PLCXD2: variants seen among roughly 807,000 people sequenced by gnomAD.
PLCXD2 encodes PI-PLC X domain-containing protein 2.
A neutral mutation model predicts 28.6 loss-of-function variants in PLCXD2; 21 were observed. The ratio of observed to expected loss-of-function variants is 0.73; its 90% CI spans 0.52 to 1.06. The LOEUF (loss-of-function observed/expected upper bound fraction) is 1.06. PLCXD2 is among the 50% of genes least tolerant of loss of function. The probability of loss-of-function intolerance (pLI) is 0.00; values close to 1 mark genes in which losing one functional copy is unlikely to be tolerated. For missense variants in PLCXD2, 369 were observed against 376.7 expected, an observed-to-expected ratio of 0.98 and a Z score of 0.17; for synonymous variants, 140 against 150.1, an observed-to-expected ratio of 0.93 and a Z score of 0.49.
chr3:111,675,087 G>A lies in PLCXD2; in HGVS notation c.-159G>A. On this transcript the variant is annotated 5_prime_UTR_variant, in exon 1 of 5. Transcript: ENST00000477665. Reference sequence around the variant, plus strand: ...AGAGTGGGGACTGTGAGTGCTAGTGGGTAAGGATCCATCTGTTTGCCCCGT... The same window carrying A: ...AGAGTGGGGACTGTGAGTGCTAGTGAGTAAGGATCCATCTGTTTGCCCCGT... 1 of 750,408 alleles carries A rather than the reference G, an allele frequency of 1.3e-6. No individual in the cohort carries two copies. The highest frequency in any genetic ancestry group is 1.8e-5 in the South Asian group (1 of 55,584). The allele number at this position is 750,408 out of a possible 1,614,324, so 46.5% of individuals were successfully genotyped here.
At chr3:111,723,735 C>T (rs890647762) in intron 3 of PLCXD2, 1 of 152,212 alleles carries the variant, frequency 6.6e-6, no homozygotes, top group Non-Finnish European at 1.5e-5. Flanking sequence ...AGAACTCAGG[C>T]ATGTGGGACA....
chr3:111,713,832 T>C (rs1941232180), intron 2 of PLCXD2, 55 bp from the exon 3 acceptor site: 1 of 1,576,378 alleles, frequency 6.3e-7, no homozygotes, highest in African/African-American at 1.4e-5. Flanking sequence ...AACGGAGGAG[T>C]TAACATTCAG....
chr3:111,680,805 C>A (rs1375071650), intron 1 of PLCXD2, among the ~76,000 whole-genome samples: 1 of 152,204 alleles, frequency 6.6e-6, no homozygotes, highest in Non-Finnish European at 1.5e-5. Flanking sequence ...AATTACTTAA[C>A]CTCTCTGTGC....
At chr3:111,714,362 A>G (rs1463304271) in intron 3 of PLCXD2, among the ~76,000 whole-genome samples, 1 of 152,172 alleles carries the variant, frequency 6.6e-6, no homozygotes, top group Non-Finnish European at 1.5e-5. Flanking sequence ...GTACTCTCTA[A>G]ATTTTGCTAT....
chr3:111,710,928 T>C (rs1941191539), intron 2 of PLCXD2, among the ~76,000 whole-genome samples: 1 of 152,236 alleles, frequency 6.6e-6, no homozygotes, highest in Admixed American at 6.5e-5. Flanking sequence ...AGTAGAGTGA[T>C]GATCTATCAT....
intron 1 of PLCXD2, among the ~76,000 whole-genome samples, chr3:111,696,388 G>A (rs1205294469): frequency 6.6e-6 from 1 of 152,108 alleles, no homozygotes; most frequent in East Asian, 1.9e-4. Context: ...TGCTGTTGCT[G>A]GGCAGGGAAG....
intron 3 of PLCXD2, chr3:111,721,512 A>G (rs1404983130): frequency 6.6e-6 from 1 of 152,190 alleles, no homozygotes; most frequent in Non-Finnish European, 1.5e-5. Context: ...TCTTCAGATA[A>G]ACAGTGCATA....
intron 2 of PLCXD2, among the ~76,000 whole-genome samples, chr3:111,709,586 T>C (rs530374410): frequency 6.6e-6 from 1 of 152,162 alleles, no homozygotes; most frequent in East Asian, 1.9e-4. Flanking sequence ...GGAGGATTGG[T>C]TGAAATGTTT....
chr3:111,715,095 G>A (rs1941251107), intron 3 of PLCXD2, among the ~76,000 whole-genome samples: 1 of 152,048 alleles, frequency 6.6e-6, no homozygotes, highest in Admixed American at 6.5e-5. Flanking sequence ...TTAGACAGCA[G>A]GACTAGATTT....
At position 111,695,614 on chromosome 3, in the gene PLCXD2, A is replaced by C. The variant is rs544183199; in HGVS notation, c.164-12312A>C. Among the ~76,000 whole-genome samples, 6 of 152,376 alleles carry C rather than the reference A, an allele frequency of 3.9e-5. 1 individual carries two copies. The South Asian group carries it at 1.2e-3, about 32-fold the overall frequency. On this transcript the variant is annotated intron_variant, in intron 1 of 4. Coordinates refer to ENST00000477665, the MANE Select transcript of PLCXD2 (RefSeq NM_001185106.1). The stretch of plus-strand genomic sequence containing the variant: ...TATTTTCAGTTTGTAGAAAACATAC[A>C]GAAAAACTTCTGAAAACATTACTGG...
intron 1 of PLCXD2, among the ~76,000 whole-genome samples, chr3:111,695,854 C>G (rs991351587): frequency 6.6e-6 from 1 of 152,216 alleles, no homozygotes; most frequent in Non-Finnish European, 1.5e-5. Flanking sequence ...CAATTTAAAA[C>G]TTATGAATTG....
chr3:111,684,817 G>T (rs376328907), intron 1 of PLCXD2, among the ~76,000 whole-genome samples: 2 of 152,126 alleles, frequency 1.3e-5, no homozygotes, highest in Non-Finnish European at 2.9e-5. Flanking sequence ...GACCAATTAG[G>T]TTGCTGATGA....
chr3:111,694,611 G>T (rs895540799), intron 1 of PLCXD2, among the ~76,000 whole-genome samples: 1 of 152,104 alleles, frequency 6.6e-6, no homozygotes, highest in Non-Finnish European at 1.5e-5. Flanking sequence ...CTGCTCTGTG[G>T]CCATGCCCCT....
At chr3:111,691,459 TAC>T (rs1456217894) in intron 1 of PLCXD2, 3 of 152,336 alleles carry the variant, frequency 2.0e-5, no homozygotes, top group Middle Eastern at 3.4e-3. Flanking sequence ...GCTGTGGAAT[TAC>T]AGACTGTTTC....
At chr3:111,715,324 G>A (rs929121109) in intron 3 of PLCXD2, among the ~76,000 whole-genome samples, 13 of 152,078 alleles carry the variant, frequency 8.5e-5, no homozygotes, top group Admixed American at 3.3e-4. Flanking sequence ...CATGCCTCTG[G>A]TATATTTGTA....
intron 3 of PLCXD2, among the ~76,000 whole-genome samples, chr3:111,716,796 C>T (rs887355763): frequency 3.9e-5 from 6 of 152,124 alleles, no homozygotes; most frequent in Non-Finnish European, 2.9e-5. Context: ...TTTGCAGATA[C>T]GGCCTTTAAA....
intron 1 of PLCXD2, among the ~76,000 whole-genome samples, chr3:111,693,667 G>C (rs1317168779): frequency 6.6e-6 from 1 of 152,134 alleles, no homozygotes; most frequent in Non-Finnish European, 1.5e-5. Context: ...GATATATCTT[G>C]CTTCTCGATG....
At chr3:111,692,134 C>T (rs781360442) in intron 1 of PLCXD2, among the ~76,000 whole-genome samples, 1 of 152,278 alleles carries the variant, frequency 6.6e-6, no homozygotes, top group South Asian at 2.1e-4. Context: ...CTCCGCCTCC[C>T]GGGTTCATGC....
Position 111,725,348 on chromosome 3 carries a change from T to G in PLCXD2, c.867-7271T>G, listed in dbSNP as rs979301711. On this transcript the variant is annotated intron_variant, in intron 3 of 4. Coordinates refer to ENST00000477665, the MANE Select transcript of PLCXD2 (RefSeq NM_001185106.1). ...CCCTCTGCCTCTGGCTGCTCCCTGG[T>G]GTTTGGCACCATAGCGTTGTCACTT... is the stretch of plus-strand genomic sequence containing the variant. The G allele has an allele frequency of 2.5e-5, 8 of 316,178 alleles. No homozygotes were observed. The East Asian group carries it at 3.8e-4, about 15-fold the overall frequency. 19.6% of individuals were successfully genotyped at this position (316,178 alleles called of 1,614,324 possible). A position where few individuals can be genotyped will look rare whatever the true frequency, so the allele number is the denominator to read the frequency against.
Sources: gnomAD v4.1 joint callset for allele counts (sites outside exome capture counted in the v4.1 genomes callset) on GRCh38, gnomAD v4.1.1 for gene constraint, MANE v1.5 for transcripts, NCBI Gene and HGNC (gene_info 2026-07-23, HGNC 2026-07-21) for gene names.